Variants in NT5C2 observed in about 807,000 individuals in gnomAD.
The protein encoded by NT5C2 is 5'-nucleotidase, cytosolic II, also known as cytosolic purine 5'-nucleotidase.
NT5C2 carries 58 observed loss-of-function variants against 76.1 expected under a neutral mutation model. The ratio of observed to expected loss-of-function variants is 0.76; its 90% confidence interval spans 0.62 to 0.95. The LOEUF (loss-of-function observed/expected upper bound fraction) is 0.95, where lower values mean the gene tolerates loss of function less well. Ranked by LOEUF, NT5C2 falls within the 40% of genes least tolerant of loss-of-function variation. NT5C2 has a pLI of 0.00. For synonymous variants in NT5C2, 229 were observed against 237.4 expected, an observed-to-expected ratio of 0.96 and a Z score of 0.32; for missense variants, 478 against 690.3, an observed-to-expected ratio of 0.69 and a Z score of 3.45.
intron 3 of NT5C2, among the ~76,000 whole-genome samples, chr10:103,174,163 T>C (rs1048359600): frequency 6.6e-6 from 1 of 151,510 alleles, no homozygotes; most frequent in Non-Finnish European, 1.5e-5. Context: ...TCCCAGCACT[T>C]CGGGAGGCTG....
At chr10:103,110,132 G>T (rs1402189840) in intron 4 of NT5C2, among the ~76,000 whole-genome samples, 1 of 152,092 alleles carries the variant, frequency 6.6e-6, no homozygotes, top group Non-Finnish European at 1.5e-5. Context: ...GTCTCTTTGA[G>T]TCTCCAAAAG....
Position 103,153,243 on chromosome 10 carries a change from C to A in NT5C2, c.102-13764G>T, listed in dbSNP as rs548455544. 4.5e-4 allele frequency: 551 copies of A among 1,224,972 alleles called. 2 individuals carry two copies. In the South Asian group the frequency reaches 6.8e-3, roughly 15 times the overall value. 75.9% of individuals were successfully genotyped at this position (1,224,972 alleles called of 1,614,324 possible). On this transcript the variant is annotated intron_variant, in intron 3 of 18. Transcript: ENST00000404739. ...AATCTTTTAATTCATGCAGATGATA[C>A]CTCTTCACTGAGAAAAATGAAAGAG...
Position 103,088,810 on chromosome 10 carries a change from C to CT in NT5C2, c.*861dup, listed in dbSNP as rs1451693744. 16 of 189,400 alleles carry CT rather than the reference C, an allele frequency of 8.4e-5. No individual in the cohort carries two copies. The highest frequency in any genetic ancestry group is 1.7e-4 in the Non-Finnish European group (15 of 90,132). 11.7% of individuals were successfully genotyped at this position (189,400 alleles called of 1,614,324 possible). ...CAATTTTAATATACAGCAATCAACT[C>CT]TTAGAGGACAAAGAAATCTGGAATT... On this transcript the variant is annotated 3_prime_UTR_variant, in exon 19 of 19. Coordinates refer to ENST00000404739, the MANE Select transcript of NT5C2 (RefSeq NM_001351169.2).
chr10:103,154,777 C>T (rs1407765347), intron 3 of NT5C2, among the ~76,000 whole-genome samples: 3 of 152,102 alleles, frequency 2.0e-5, no homozygotes, highest in Admixed American at 2.0e-4. Flanking sequence ...AAGTTTTACA[C>T]AAATATGAAG....
intron 4 of NT5C2, among the ~76,000 whole-genome samples, chr10:103,122,281 G>A (rs1300448884): frequency 6.6e-6 from 1 of 152,174 alleles, no homozygotes; most frequent in Non-Finnish European, 1.5e-5. Context: ...AAGAAAAACT[G>A]TGTTTTAACA....
intron 2 of NT5C2, among the ~76,000 whole-genome samples, chr10:103,176,601 C>T (rs1468825326): frequency 1.3e-5 from 2 of 152,164 alleles, no homozygotes; most frequent in Non-Finnish European, 2.9e-5. Flanking sequence ...GTCGCAGTGG[C>T]GTGATCTCTG....
intron 2 of NT5C2, among the ~76,000 whole-genome samples, chr10:103,178,954 C>CTTTTTTTTTTTTTTT (rs758982511): frequency 1.3e-4 from 17 of 128,478 alleles, no homozygotes; most frequent in South Asian, 5.0e-4. Flanking sequence ...TTCTTTTTTT[C>CTTTTTTTTTTTTTTT]TTTTTTTTTT....
rs1359768582 is a variant in NT5C2, at chr10:103,093,972, C to G, written c.988G>C (p.Gly330Arg). The G allele has an allele frequency of 6.2e-7, 1 of 1,611,522 alleles. No homozygotes were observed. Among genetic ancestry groups the G allele is most frequent in the East Asian group, 2.2e-5 (1 of 44,870 alleles). ...PLQHGIVYSG[G>R]SSDTICDLLG... Reference sequence around the variant, plus strand: ...AAATAAAGGGAAGTCTGTGACTTACCTCCTGAGTAGACGATACCATGCTGT... The same window carrying G: ...AAATAAAGGGAAGTCTGTGACTTACGTCCTGAGTAGACGATACCATGCTGT... The change falls in exon 14 of 19, where the codon GGT becomes CGT. Residue 330 changes from glycine to arginine, a missense_variant and splice_region_variant. Transcript: ENST00000404739.
chr10:103,184,825 C>T (rs545648821), intron 1 of NT5C2, among the ~76,000 whole-genome samples: 99 of 152,098 alleles, frequency 6.5e-4, no homozygotes, highest in Non-Finnish European at 1.0e-3. Flanking sequence ...CCTTGTTCTC[C>T]GAAGGAAAAA....
intron 3 of NT5C2, among the ~76,000 whole-genome samples, chr10:103,148,192 C>G (rs1021182506): frequency 6.6e-6 from 1 of 152,168 alleles, no homozygotes; most frequent in Admixed American, 6.6e-5. Flanking sequence ...CAACAGACAT[C>G]TAGTAGCATT....
intron 4 of NT5C2, among the ~76,000 whole-genome samples, chr10:103,119,905 C>T (rs1198770412): frequency 5.3e-5 from 8 of 152,010 alleles, no homozygotes; most frequent in Non-Finnish European, 1.2e-4. Context: ...TAGAGACCAG[C>T]CTGGGCAACA....
At chr10:103,117,989 A>C (rs1565040489) in intron 4 of NT5C2, among the ~76,000 whole-genome samples, 3 of 152,216 alleles carry the variant, frequency 2.0e-5, no homozygotes, top group African/African-American at 7.2e-5. Context: ...AAGAATTCCT[A>C]AAATGTCTAA....
At chr10:103,105,311 A>C in intron 6 of NT5C2, 1 of 533,594 alleles carries the variant, frequency 1.9e-6, no homozygotes, top group South Asian at 3.8e-5. Context: ...TTAATCATTT[A>C]AATTGCTATA....
At chr10:103,183,151 C>T (rs933353934) in intron 1 of NT5C2, among the ~76,000 whole-genome samples, 3 of 151,430 alleles carry the variant, frequency 2.0e-5, no homozygotes, top group Admixed American at 6.6e-5. Context: ...TCACCTATAA[C>T]TCAAAGAATA....
chr10:103,129,151 C>A (rs867835028), intron 4 of NT5C2, among the ~76,000 whole-genome samples: 1 of 114,200 alleles, frequency 8.8e-6, no homozygotes, highest in Non-Finnish European at 1.9e-5. Flanking sequence ...CCCGGCCAGC[C>A]GCCCCGTCCG....
At chr10:103,123,860 A>T (rs1313615244) in intron 4 of NT5C2, among the ~76,000 whole-genome samples, 1 of 152,050 alleles carries the variant, frequency 6.6e-6, no homozygotes, top group Non-Finnish European at 1.5e-5. Context: ...GGGGGGAAAA[A>T]AAAAGTCATT....
intron 6 of NT5C2, among the ~76,000 whole-genome samples, chr10:103,102,792 T>C (rs1049846549): frequency 9.2e-5 from 14 of 152,234 alleles, no homozygotes; most frequent in Admixed American, 8.5e-4. Context: ...ATTTTAGTGA[T>C]ACTAAGTTTG....
At chr10:103,158,365 G>C (rs2083933404) in intron 3 of NT5C2, among the ~76,000 whole-genome samples, 1 of 151,790 alleles carries the variant, frequency 6.6e-6, no homozygotes, top group Non-Finnish European at 1.5e-5. Context: ...CAGAAGGACA[G>C]AAATAATATA....
At chr10:103,151,782 C>G (rs960175339) in intron 3 of NT5C2, among the ~76,000 whole-genome samples, 1 of 151,838 alleles carries the variant, frequency 6.6e-6, no homozygotes, top group Non-Finnish European at 1.5e-5. Flanking sequence ...TTTTTTCATC[C>G]CCAAGCACAA....
Sources: allele counts gnomAD v4.1 joint callset (sites outside exome capture counted in the v4.1 genomes callset), GRCh38; gene constraint gnomAD v4.1.1; transcripts MANE v1.5; gene names NCBI Gene and HGNC (gene_info 2026-07-23, HGNC 2026-07-21).